The following NPHP4 variants were observed in gnomAD, a reference collection of about 807,000 sequenced individuals.
NPHP4 encodes the protein nephrocystin-4.
NPHP4 carries 151 observed loss-of-function variants against 155.8 expected under a neutral mutation model. That is an observed-to-expected ratio of 0.97 (90% CI 0.85 to 1.11). NPHP4 has a LOEUF of 1.11. NPHP4 is among the 50% of genes least tolerant of loss of function. The probability of loss-of-function intolerance (pLI) is 0.00; values close to 1 mark genes in which losing one functional copy is unlikely to be tolerated. For missense variants in NPHP4, 1,956 were observed against 1,925.7 expected (o/e 1.02, Z -0.29); for synonymous variants, 845 against 816.8 (o/e 1.03, Z -0.59).
At chr1:5,907,882 G>A (rs921945165) in intron 12 of NPHP4, among the ~76,000 whole-genome samples, 2 of 152,204 alleles carry the variant, frequency 1.3e-5, no homozygotes, top group Non-Finnish European at 2.9e-5. Flanking sequence ...CCTGGCACAC[G>A]GTGAGCCTTC....
At chr1:5,964,614 C>T (rs1212021122) in intron 5 of NPHP4, among the ~76,000 whole-genome samples, 1 of 152,092 alleles carries the variant, frequency 6.6e-6, no homozygotes, top group Admixed American at 6.6e-5. Context: ...ATCTCCATGC[C>T]TCCCACTGTC....
At chr1:5,900,247 C>T (rs991507575) in intron 16 of NPHP4, among the ~76,000 whole-genome samples, 1 of 152,250 alleles carries the variant, frequency 6.6e-6, no homozygotes, top group African/African-American at 2.4e-5. Context: ...GTACACACAA[C>T]ACCCTGTACA....
In NPHP4 at chr1:5,893,637, G is replaced by C. The variant is rs28806898; in HGVS notation, c.2144-2609C>G. On this transcript the variant is annotated intron_variant, in intron 16 of 29. Transcript: ENST00000378156. ...CTGAAGCACAGCATCACAGGGAGACGGTTAGGCCTCCGGATAACTGCAGGC... is the reference window on the plus strand; with the variant it reads ...CTGAAGCACAGCATCACAGGGAGACCGTTAGGCCTCCGGATAACTGCAGGC... Among the ~76,000 whole-genome samples the C allele has an allele frequency of 5.3e-5, 8 of 152,332 alleles. No homozygotes were observed. The South Asian group carries it at 1.7e-3, about 32-fold the overall frequency.
intron 1 of NPHP4, among the ~76,000 whole-genome samples, chr1:5,988,098 C>T (rs1655745266): frequency 6.6e-6 from 1 of 152,210 alleles, no homozygotes; most frequent in African/African-American, 2.4e-5. Flanking sequence ...CGTAATGGTA[C>T]AAAATCCTGC....
chr1:5,909,241 AG>A lies in NPHP4; in HGVS notation c.1442-29del, dbSNP rs780095028. 11 of 1,581,096 alleles carry A rather than the reference AG, an allele frequency of 7.0e-6. No homozygotes were observed. In the African/African-American group the frequency reaches 8.1e-5, roughly 12 times the overall value. On this transcript the variant is annotated intron_variant, in intron 11 of 29. Coordinates refer to ENST00000378156, the MANE Select transcript of NPHP4 (RefSeq NM_015102.5). ...GGGAGGAAGCACAGTGGGGTAGGAG[AG>A]GGAATGTGTCAGCCTGTGTTGGGGG...
chr1:5,869,249 A>C (rs375330217), intron 23 of NPHP4, among the ~76,000 whole-genome samples: 9 of 110,286 alleles, frequency 8.2e-5, no homozygotes, highest in East Asian at 5.4e-4. Context: ...ACACACACAC[A>C]CACATGCACA....
At chr1:5,873,066 C>T (rs1301038480) in intron 23 of NPHP4, among the ~76,000 whole-genome samples, 186 bp downstream of exon 23, 1 of 152,168 alleles carries the variant, frequency 6.6e-6, no homozygotes, top group African/African-American at 2.4e-5. Flanking sequence ...GCAGGCTGTG[C>T]CAGCGCCCAG....
At chr1:5,932,794 ACT>A (rs879728083) in intron 10 of NPHP4, among the ~76,000 whole-genome samples, 60,665 of 151,558 alleles carry the variant, frequency 0.4, 12,652 homozygotes, top group East Asian at 0.74. Flanking sequence ...CCACCTCAGC[ACT>A]CATCCACCAA....
intron 16 of NPHP4, among the ~76,000 whole-genome samples, chr1:5,902,207 C>T (rs1644715485): frequency 6.6e-6 from 1 of 152,212 alleles, no homozygotes; most frequent in African/African-American, 2.4e-5. Context: ...CTCCTCCTCC[C>T]CACTCTCTTC....
rs373182062 is a variant in NPHP4, at chr1:5,904,651, G to C, written c.2109C>G (p.Leu703=). The change falls in exon 16 of 30, where the codon CTC becomes CTG. Residue 703 remains leucine (L), a synonymous_variant. Transcript: ENST00000378156. ...AGGTGCCATCTCTGCTCACAGGCAC[G>C]AGGATGTGGGTCAGGGCGCCAGAGC... ...QPSSGALTHI[L]VPVSRDGTFD... 9 of 1,613,016 alleles carry C rather than the reference G, an allele frequency of 5.6e-6. No individual in the cohort carries two copies. Among genetic ancestry groups the C allele is most frequent in the Non-Finnish European group, 7.6e-6 (9 of 1,179,190 alleles).
chr1:5,963,050 C>T (rs1650656387), intron 5 of NPHP4, among the ~76,000 whole-genome samples: 1 of 149,620 alleles, frequency 6.7e-6, no homozygotes, highest in Non-Finnish European at 1.5e-5. Context: ...AAGTTCAGCT[C>T]ATTCATGTTC....
chr1:5,904,509 G>T, intron 16 of NPHP4, 108 bp downstream of exon 16: 1 of 815,932 alleles, frequency 1.2e-6, no homozygotes, highest in Non-Finnish European at 1.9e-6. Flanking sequence ...TTCTAATGTT[G>T]CATATGTTTT....
At position 5,889,268 on chromosome 1, in the gene NPHP4, G is replaced by T. The variant is rs948276850; in HGVS notation, c.2304+1600C>A. On this transcript the variant is annotated intron_variant, in intron 17 of 29. Transcript: ENST00000378156. This position sits in a 1 kb window ranked among gnomAD's most constrained non-coding sequence, Gnocchi z 4.2. ...AAGATGAAAGCTGGCCCCGCCTGCAGAAAGTAAGTCCACCAAAGGCTAACC... is the reference window on the plus strand; with the variant it reads ...AAGATGAAAGCTGGCCCCGCCTGCATAAAGTAAGTCCACCAAAGGCTAACC... Among the ~76,000 whole-genome samples the T allele has an allele frequency of 2.0e-5, 3 of 152,242 alleles. No homozygotes were observed. The highest frequency in any genetic ancestry group is 1.3e-4 in the Admixed American group (2 of 15,290).
At chr1:5,871,549 C>G (rs1035746607) in intron 23 of NPHP4, among the ~76,000 whole-genome samples, 6 of 152,226 alleles carry the variant, frequency 3.9e-5, no homozygotes, top group Admixed American at 6.5e-5. Flanking sequence ...AGAAAGATCA[C>G]AGGAAGAATG....
At chr1:5,931,496 T>C (rs1462816049) in intron 10 of NPHP4, among the ~76,000 whole-genome samples, 3 of 151,918 alleles carry the variant, frequency 2.0e-5, no homozygotes, top group East Asian at 1.9e-4. Flanking sequence ...TCCCAGCACT[T>C]TGAGAGGCAC....
intron 19 of NPHP4, among the ~76,000 whole-genome samples, chr1:5,879,091 T>C (rs1224845829): frequency 6.6e-6 from 1 of 152,152 alleles, no homozygotes; most frequent in Admixed American, 6.5e-5. Context: ...ACATACAAGT[T>C]TACCCAGAGT....
intron 11 of NPHP4, among the ~76,000 whole-genome samples, chr1:5,917,062 A>G (rs1557731060): frequency 2.0e-5 from 3 of 152,134 alleles, no homozygotes; most frequent in Admixed American, 1.3e-4. Context: ...AGGAGCCCCA[A>G]CCCAGAGGCA....
intron 16 of NPHP4, among the ~76,000 whole-genome samples, chr1:5,899,934 C>A (rs1285219878): frequency 1.3e-5 from 2 of 152,326 alleles, no homozygotes; most frequent in Non-Finnish European, 1.5e-5. Flanking sequence ...GAAGAAGATA[C>A]ACAGACAGCA....
At chr1:5,931,744 A>C (rs1343959724) in intron 10 of NPHP4, among the ~76,000 whole-genome samples, 1 of 151,574 alleles carries the variant, frequency 6.6e-6, no homozygotes, top group African/African-American at 2.4e-5. Flanking sequence ...AAAAAAAAAA[A>C]AAAAAAAAAA....
Sources: allele counts gnomAD v4.1 joint callset (sites outside exome capture counted in the v4.1 genomes callset), GRCh38; gene constraint gnomAD v4.1.1; non-coding constraint Gnocchi (gnomAD v3.1); transcripts MANE v1.5; gene names NCBI Gene and HGNC (gene_info 2026-07-23, HGNC 2026-07-21).